Variants in COX7A2 observed in about 807,000 individuals in gnomAD.
COX7A2 encodes the protein cytochrome c oxidase subunit 7A2, mitochondrial.
COX7A2 carries 11 observed loss-of-function variants against 11.6 expected under a neutral mutation model. The ratio of observed to expected loss-of-function variants is 0.95; its 90% CI spans 0.60 to 1.57. The LOEUF (loss-of-function observed/expected upper bound fraction) is 1.57, where lower values mean the gene tolerates loss of function less well. COX7A2 is among the 40% of genes most tolerant of loss of function. The pLI is 0.00. For synonymous variants in COX7A2, 30 were observed against 38.2 expected (o/e 0.78, Z 0.79); for missense variants, 106 against 100.9 (o/e 1.05, Z -0.22).
At chr6:75,243,950 C>A, upstream of COX7A2, 1 of 843,918 alleles carries the variant, frequency 1.2e-6, no homozygotes, top group Non-Finnish European at 1.9e-6. Flanking sequence ...CGTCTCAGTC[C>A]CGTGATCTCG....
chr6:75,238,772 T>C (rs1384273082), intron 3 of COX7A2, among the ~76,000 whole-genome samples: 1 of 150,264 alleles, frequency 6.7e-6, no homozygotes, highest in Non-Finnish European at 1.5e-5. Context: ...TACCAGAATG[T>C]CTAAGAAATG....
At chr6:75,239,420 G>A (rs1438585099) in intron 3 of COX7A2, among the ~76,000 whole-genome samples, 4 of 152,140 alleles carry the variant, frequency 2.6e-5, no homozygotes, top group Non-Finnish European at 4.4e-5. Context: ...TTCCCAAACA[G>A]GTAATTAATA....
At chr6:75,246,175 G>T (rs1180595912), upstream of COX7A2, among the ~76,000 whole-genome samples, 1 of 151,978 alleles carries the variant, frequency 6.6e-6, no homozygotes, top group Non-Finnish European at 1.5e-5. Flanking sequence ...CTTATCTCTC[G>T]CCTGGCCTTT....
At chr6:75,240,182 T>G (rs778640515) in intron 3 of COX7A2, 119 bp downstream of exon 3, 1 of 717,310 alleles carries the variant, frequency 1.4e-6, no homozygotes, top group Non-Finnish European at 2.4e-6. Context: ...TATAGTAAGA[T>G]ATCAAATTCT....
upstream of COX7A2, among the ~76,000 whole-genome samples, chr6:75,246,461 A>G (rs1421912433): frequency 1.3e-5 from 2 of 152,174 alleles, no homozygotes; most frequent in African/African-American, 4.8e-5. Context: ...TCTCTTGTTC[A>G]GATTATGTCA....
upstream of COX7A2, chr6:75,243,808 A>G (rs753041676): frequency 6.2e-6 from 10 of 1,613,806 alleles, no homozygotes; most frequent in African/African-American, 1.3e-4. Context: ...AACCGGAACT[A>G]CCTCCGAGTC....
rs1771459271 is a variant in COX7A2 at position 75,240,375 on chromosome 6, T to C, written c.119A>G (p.Glu40Gly). 6 of 1,561,800 alleles carry C rather than the reference T, an allele frequency of 3.8e-6. No individual in the cohort carries two copies. The East Asian group carries it at 1.4e-4, about 35-fold the overall frequency. The change falls in exon 3 of 4, where the codon GAA becomes GGA. Residue 40 changes from glutamate (E) to glycine (G), a missense_variant. Coordinates refer to ENST00000684430, the MANE Select transcript of COX7A2 (RefSeq NM_001366293.2). ...CCCACCCTTTAGATACAGTGGAATTTCATCATCCTCCTAGATTTAAAAAAA... is the reference window on the plus strand; with the variant it reads ...CCCACCCTTTAGATACAGTGGAATTCCATCATCCTCCTAGATTTAAAAAAA... The part of the protein sequence containing the change: ...EKQKLFQEDD[E>G]IPLYLKGGVA...
intron 1 of COX7A2, among the ~76,000 whole-genome samples, chr6:75,243,172 C>T (rs1771573416): frequency 6.6e-6 from 1 of 152,108 alleles, no homozygotes; most frequent in South Asian, 2.1e-4. Flanking sequence ...TGCTCAAAGT[C>T]GATGGAGGGG....
At chr6:75,240,559 A>C in intron 2 of COX7A2, 174 bp from the exon 3 acceptor site, 1 of 494,496 alleles carries the variant, frequency 2.0e-6, no homozygotes, top group East Asian at 3.3e-5. Context: ...CTCTACTACT[A>C]CTACTTTTAA....
At chr6:75,248,995 C>T (rs536329506) in intron 1 of COX7A2, among the ~76,000 whole-genome samples, 2 of 152,278 alleles carry the variant, frequency 1.3e-5, no homozygotes, top group South Asian at 4.2e-4. Flanking sequence ...TATAGCCTCA[C>T]CCCTGTAATC....
intron 1 of COX7A2, among the ~76,000 whole-genome samples, chr6:75,249,604 T>C (rs527416594): frequency 1.3e-5 from 2 of 152,190 alleles, no homozygotes; most frequent in South Asian, 2.1e-4. Context: ...GGAAGAAAGG[T>C]TGGGTAAGAA....
At chr6:75,240,697 T>C (rs1386822261) in intron 2 of COX7A2, 1 of 220,854 alleles carries the variant, frequency 4.5e-6, no homozygotes, top group Non-Finnish European at 8.8e-6. Context: ...ACAACTTTAA[T>C]ATAACTTAAA....
upstream of COX7A2, among the ~76,000 whole-genome samples, chr6:75,247,183 G>A (rs1161910804): frequency 6.6e-6 from 1 of 152,082 alleles, no homozygotes; most frequent in Non-Finnish European, 1.5e-5. Context: ...CTGATGCAAA[G>A]TTACCAGAGG....
Position 75,237,963 on chromosome 6 carries a change from C to T in COX7A2, c.219G>A (p.Leu73=). 1.2e-6 allele frequency: 2 copies of T among 1,605,402 alleles called. No individual in the cohort carries two copies. Among genetic ancestry groups the T allele is most frequent in the South Asian group, 1.1e-5 (1 of 90,122 alleles). Residue 73 remains leucine, a synonymous_variant, in exon 4 of 4, where the codon CTG becomes CTA. Transcript: ENST00000684430. ...VGGTAYAIYE[L]AVASFPKKQE ...GCTTCTTGGGAAATGAAGCCACAGC[C>T]AGCTCATATATGGCATATGCTGTTC... is the stretch of plus-strand genomic sequence containing the variant.
upstream of COX7A2, among the ~76,000 whole-genome samples, chr6:75,246,413 C>T (rs1771683040): frequency 6.6e-6 from 1 of 152,202 alleles, no homozygotes; most frequent in African/African-American, 2.4e-5. Context: ...TTCTCATTAT[C>T]TCCAACAGTA....
upstream of COX7A2, among the ~76,000 whole-genome samples, chr6:75,244,729 TA>T (rs1180337301): frequency 6.6e-6 from 1 of 152,198 alleles, no homozygotes; most frequent in Non-Finnish European, 1.5e-5. Flanking sequence ...CAGCAAAGGA[TA>T]AAAATTAGTA....
upstream of COX7A2, among the ~76,000 whole-genome samples, chr6:75,244,984 G>GT (rs372960271): frequency 3.4e-4 from 52 of 152,254 alleles, no homozygotes; most frequent in African/African-American, 1.2e-3. Context: ...GGGCGTGGGG[G>GT]TTTTTTAAGT....
chr6:75,250,282 A>G (rs937261167), exon 1 of COX7A2: 24 of 152,238 alleles, frequency 1.6e-4, no homozygotes, highest in African/African-American at 5.3e-4. Flanking sequence ...GAAAAGATAG[A>G]GAAGTCAGTC....
At chr6:75,238,208 C>T (rs1354354475) in intron 3 of COX7A2, among the ~76,000 whole-genome samples, 3 of 151,530 alleles carry the variant, frequency 2.0e-5, no homozygotes, top group African/African-American at 7.3e-5. Flanking sequence ...ATATATTTGT[C>T]AACATAAAAT....
Sources: allele counts gnomAD v4.1 joint callset (sites outside exome capture counted in the v4.1 genomes callset), GRCh38; gene constraint gnomAD v4.1.1; transcripts MANE v1.5; gene names NCBI Gene and HGNC (gene_info 2026-07-23, HGNC 2026-07-21).